The following FAXC variants were observed in gnomAD, a reference collection of about 807,000 sequenced individuals.
FAXC encodes failed axon connections homolog.
Under a neutral mutation model 41.9 loss-of-function variants are expected in FAXC, and 10 were observed. The ratio of observed to expected loss-of-function variants is 0.24; its 90% CI spans 0.15 to 0.41. The LOEUF (loss-of-function observed/expected upper bound fraction) is 0.41, where lower values mean the gene tolerates loss of function less well. Ranked by LOEUF, FAXC falls within the 10% of genes least tolerant of loss-of-function variation. The pLI is 1.00. For synonymous variants in FAXC, 183 were observed against 183.8 expected (o/e 1.00, Z 0.03); for missense variants, 399 against 510.9 (o/e 0.78, Z 2.11).
rs1773708099 is a variant in FAXC, at chr6:99,349,308, C to T, written c.65G>A (p.Ser22Asn). The change falls in exon 1 of 6, where the codon AGC becomes AAC. Residue 22 changes from serine (S) to asparagine (N), a missense_variant. By Grantham distance (46) the Ser-to-Asn change is conservative. Transcript: ENST00000389677. ...PCVVDLSWNQ[S>N]ISFFGWWAGS... ...GGCCCACCAGCCGAAGAAGGAGATGCTCTGGTTCCAGCTCAGATCCACCAC... is the reference window on the plus strand; with the variant it reads ...GGCCCACCAGCCGAAGAAGGAGATGTTCTGGTTCCAGCTCAGATCCACCAC... 6.2e-7 allele frequency: 1 copy of T among 1,613,294 alleles called. No homozygotes were observed. Among genetic ancestry groups the T allele is most frequent in the Non-Finnish European group, 8.5e-7 (1 of 1,179,976 alleles).
Position 99,281,083 on chromosome 6 carries a change from C to T in FAXC, c.*81G>A. 1.3e-6 allele frequency: 1 copy of T among 742,766 alleles called. No homozygotes were observed. The highest frequency in any genetic ancestry group is 1.6e-5 in the South Asian group (1 of 64,072). 46.0% of individuals were successfully genotyped at this position (742,766 alleles called of 1,614,324 possible). ...GCCAAGCACGAAGATCTCCTCCCAG[C>T]TCGGATGGATTGCTACCTGGGAAAA... On this transcript the variant is annotated 3_prime_UTR_variant, in exon 6 of 6. Coordinates refer to ENST00000389677, the MANE Select transcript of FAXC (RefSeq NM_032511.4).
intron 4 of FAXC, among the ~76,000 whole-genome samples, chr6:99,313,638 A>G (rs570827445): frequency 1.1e-3 from 168 of 152,338 alleles, no homozygotes; most frequent in South Asian, 7.9e-3. Flanking sequence ...TCAACATTCT[A>G]TAAGTTTCCC....
chr6:99,299,146 C>T (rs560906445), intron 4 of FAXC, among the ~76,000 whole-genome samples: 1 of 152,334 alleles, frequency 6.6e-6, no homozygotes, highest in East Asian at 1.9e-4. Context: ...TAAGGAAAAA[C>T]TGATCACCTG....
chr6:99,317,697 T>C (rs745677337), intron 4 of FAXC, among the ~76,000 whole-genome samples: 46 of 152,198 alleles, frequency 3.0e-4, no homozygotes, highest in African/African-American at 7.2e-4. Context: ...CCTTTCACTT[T>C]GTACTAGAGT....
At chr6:99,305,250 G>A (rs1363829943) in intron 4 of FAXC, among the ~76,000 whole-genome samples, 1 of 152,164 alleles carries the variant, frequency 6.6e-6, no homozygotes. Context: ...TGGGACATCA[G>A]CTAAGAAACT....
chr6:99,326,981 T>C (rs767448447), intron 3 of FAXC, among the ~76,000 whole-genome samples: 35 of 152,030 alleles, frequency 2.3e-4, no homozygotes, highest in Non-Finnish European at 4.1e-4. Flanking sequence ...AGTGCAATGG[T>C]GTGGGATTCT....
intron 2 of FAXC, among the ~76,000 whole-genome samples, chr6:99,340,326 C>T (rs1405857977): frequency 6.6e-6 from 1 of 152,096 alleles, no homozygotes; most frequent in Non-Finnish European, 1.5e-5. Flanking sequence ...GTCTTGAACT[C>T]CTGACCTCAG....
At chr6:99,333,613 T>C (rs1179964076) in intron 2 of FAXC, 66 bp from the exon 3 acceptor site, 52 of 1,339,412 alleles carry the variant, frequency 3.9e-5, no homozygotes, top group Non-Finnish European at 5.1e-5. Context: ...GCATGATTAA[T>C]AGAAACAAAC....
chr6:99,291,909 C>T (rs904252506), intron 4 of FAXC, 89 bp from the exon 5 acceptor site: 1 of 939,046 alleles, frequency 1.1e-6, no homozygotes, highest in Non-Finnish European at 1.7e-6. Context: ...ATTACATATT[C>T]CTTTACTGAT....
intron 4 of FAXC, among the ~76,000 whole-genome samples, chr6:99,299,269 A>T (rs1771612871): frequency 6.6e-6 from 1 of 152,038 alleles, no homozygotes; most frequent in South Asian, 2.1e-4. Context: ...TTCTTTTCCC[A>T]CTTCCCACTG....
chr6:99,286,196 C>A (rs896785779), intron 5 of FAXC, among the ~76,000 whole-genome samples: 10 of 152,248 alleles, frequency 6.6e-5, no homozygotes, highest in Non-Finnish European at 4.4e-5. Context: ...ATGGAGGACA[C>A]TGAGCATATA....
At chr6:99,288,859 TACACACACACACAC>T (rs55895848) in intron 5 of FAXC, among the ~76,000 whole-genome samples, 3 of 145,852 alleles carry the variant, frequency 2.1e-5, no homozygotes, top group East Asian at 2.0e-4. Context: ...CACACACACA[TACACACACACACAC>T]ACACACACAC....
chr6:99,288,847 G>GACACACACATACAC (rs1771118559), intron 5 of FAXC, among the ~76,000 whole-genome samples: 2 of 69,506 alleles, frequency 2.9e-5, no homozygotes, highest in African/African-American at 9.7e-5. Flanking sequence ...CACATGAATC[G>GACACACACATACAC]ACACACACAC....
At chr6:99,343,103 G>A in intron 1 of FAXC, 70 bp from the exon 2 acceptor site, 1 of 1,432,866 alleles carries the variant, frequency 7.0e-7, no homozygotes, top group Non-Finnish European at 9.4e-7. Context: ...TATTTCTTGA[G>A]AGGACCCTGC....
rs1770495167 is a variant in FAXC, at chr6:99,273,706, G to A, written c.*7458C>T. ...TTTTATATCTGCTTTGCCACAAATGGTATATACACATTCTCTAATCAATTA... is the reference window on the plus strand; with the variant it reads ...TTTTATATCTGCTTTGCCACAAATGATATATACACATTCTCTAATCAATTA... On this transcript the variant is annotated 3_prime_UTR_variant, in exon 6 of 6. Transcript: ENST00000389677. The A allele has an allele frequency of 6.6e-6, 1 of 151,752 alleles. No individual in the cohort carries two copies. The highest frequency in any genetic ancestry group is 2.4e-5 in the African/African-American group (1 of 41,278). 9.4% of individuals were successfully genotyped at this position (151,752 alleles called of 1,614,324 possible).
chr6:99,333,841 T>G (rs1235713420), intron 2 of FAXC, among the ~76,000 whole-genome samples: 1 of 151,942 alleles, frequency 6.6e-6, no homozygotes, highest in Non-Finnish European at 1.5e-5. Context: ...GGGTAAGGGG[T>G]AGCAGATTGA....
At chr6:99,291,642 C>G (rs1211259343) in intron 5 of FAXC, 62 bp downstream of exon 5, 18 of 1,163,962 alleles carry the variant, frequency 1.5e-5, no homozygotes, top group Non-Finnish European at 2.3e-5. Context: ...CTCCACTGTG[C>G]TACCCCACTG....
chr6:99,302,327 G>A (rs1771744295), intron 4 of FAXC, among the ~76,000 whole-genome samples: 1 of 152,174 alleles, frequency 6.6e-6, no homozygotes, highest in South Asian at 2.1e-4. Flanking sequence ...TGAATGTTGG[G>A]TCATCCCAAT....
chr6:99,347,498 C>A (rs181893845), intron 1 of FAXC, among the ~76,000 whole-genome samples: 1 of 152,160 alleles, frequency 6.6e-6, no homozygotes, highest in Admixed American at 6.5e-5. Context: ...TATATAGTCC[C>A]CTAAATGAGT....
Sources: allele counts gnomAD v4.1 joint callset (sites outside exome capture counted in the v4.1 genomes callset), GRCh38; gene constraint gnomAD v4.1.1; transcripts MANE v1.5; gene names NCBI Gene and HGNC (gene_info 2026-07-23, HGNC 2026-07-21).